RPS6KA2: variants seen among roughly 807,000 people sequenced by gnomAD.
The protein encoded by RPS6KA2 is ribosomal protein S6 kinase alpha-2.
A neutral mutation model predicts 91.8 loss-of-function variants in RPS6KA2; 42 were observed. That is an observed-to-expected ratio of 0.46 (90% confidence interval 0.36 to 0.59). The LOEUF (loss-of-function observed/expected upper bound fraction) is 0.59. RPS6KA2 is among the 20% of genes least tolerant of loss of function. RPS6KA2 has a pLI of 0.00. For missense variants in RPS6KA2, 798 were observed against 978.5 expected (o/e 0.82, Z 2.46); for synonymous variants, 414 against 393.6 (o/e 1.05, Z -0.61).
rs10946172 is a variant in RPS6KA2, at chr6:166,490,396, A to T, written c.818+275T>A. 0.15 allele frequency among the ~76,000 whole-genome samples: 23,338 copies of T among 152,136 alleles called. 2,103 individuals are homozygous for T. The highest frequency in any genetic ancestry group is 0.25 in the African/African-American group (10,180 of 41,446). On this transcript the variant is annotated intron_variant, in intron 9 of 20. Transcript: ENST00000265678. This position sits in a 1 kb window ranked among gnomAD's most constrained non-coding sequence, Gnocchi z 4.2. ...GATGGAAAACTATCTATGGTAGAAGAGTTCATCAGAACCACTCAGCAGGAT... is the reference window on the plus strand; with the variant it reads ...GATGGAAAACTATCTATGGTAGAAGTGTTCATCAGAACCACTCAGCAGGAT...
intron 2 of RPS6KA2, chr6:166,701,360 T>C (rs927516917): frequency 8.0e-5 from 119 of 1,488,066 alleles, no homozygotes; most frequent in Non-Finnish European, 1.1e-4. Context: ...CACTCTGATA[T>C]GAGCTTCAAG....
intron 1 of RPS6KA2, among the ~76,000 whole-genome samples, chr6:166,584,758 C>T (rs547336034): frequency 1.3e-5 from 2 of 152,308 alleles, no homozygotes; most frequent in South Asian, 2.1e-4. Context: ...TCAGTAAATA[C>T]GTTGAGGAGC....
intron 1 of RPS6KA2, among the ~76,000 whole-genome samples, chr6:166,617,327 TTCTCAA>T (rs1786450428): frequency 6.6e-6 from 1 of 152,248 alleles, no homozygotes; most frequent in Non-Finnish European, 1.5e-5. Flanking sequence ...TGTTGATAGT[TTCTCAA>T]TCTTTTAAGA....
rs139345225 is a variant in RPS6KA2 at position 166,448,949 on chromosome 6, T to G, written c.1207-100A>C. ...ATGTGGGGCGAAGAGAGGCACCGAC[T>G]GTGAACTGAGTGTGTGGAGGCCTGG... is the stretch of plus-strand genomic sequence containing the variant. On this transcript the variant is annotated intron_variant, in intron 13 of 20. Coordinates refer to ENST00000265678, the MANE Select transcript of RPS6KA2 (RefSeq NM_021135.6). This position sits in a 1 kb window ranked among gnomAD's most constrained non-coding sequence, Gnocchi z 4.7. 707 of 1,434,026 alleles carry G rather than the reference T, an allele frequency of 4.9e-4. 3 individuals carry two copies. In the African/African-American group the frequency reaches 8.9e-3, roughly 18 times the overall value. The allele number at this position is 1,434,026 out of a possible 1,614,324, so 88.8% of individuals were successfully genotyped here.
intron 2 of RPS6KA2, among the ~76,000 whole-genome samples, chr6:166,815,025 G>T (rs992499628): frequency 3.3e-5 from 5 of 152,300 alleles, no homozygotes; most frequent in East Asian, 1.9e-4. Flanking sequence ...GTGCCAAAAA[G>T]GTTGGGGACC....
intron 10 of RPS6KA2, among the ~76,000 whole-genome samples, chr6:166,476,271 G>A (rs940882970): frequency 1.3e-5 from 2 of 152,166 alleles, no homozygotes; most frequent in African/African-American, 4.8e-5. Flanking sequence ...TGGGAGCACA[G>A]CCCTGCAGCC....
chr6:166,486,240 CCA>C (rs1781403389), intron 10 of RPS6KA2, among the ~76,000 whole-genome samples: 1 of 62,472 alleles, frequency 1.6e-5, no homozygotes, highest in Non-Finnish European at 3.1e-5. Context: ...GCCATGAACC[CCA>C]CACACAGCTG....
chr6:166,653,465 G>C (rs762247360), intron 2 of RPS6KA2, among the ~76,000 whole-genome samples: 2 of 152,226 alleles, frequency 1.3e-5, no homozygotes, highest in Non-Finnish European at 2.9e-5. Flanking sequence ...TCAGACACGA[G>C]AAGACGGAAT....
upstream of RPS6KA2, among the ~76,000 whole-genome samples, chr6:166,629,189 T>C (rs1227567212): frequency 1.3e-5 from 2 of 152,236 alleles, no homozygotes; most frequent in African/African-American, 4.8e-5. Flanking sequence ...AACCCGACCA[T>C]GCTTCCCTCG....
At chr6:166,698,751 C>T (rs768425999) in intron 2 of RPS6KA2, among the ~76,000 whole-genome samples, 7 of 152,158 alleles carry the variant, frequency 4.6e-5, no homozygotes, top group Non-Finnish European at 8.8e-5. Flanking sequence ...GATGAGGTGG[C>T]GAACTCGTCA....
At chr6:166,667,013 A>G (rs766690476) in intron 2 of RPS6KA2, among the ~76,000 whole-genome samples, 5 of 152,252 alleles carry the variant, frequency 3.3e-5, no homozygotes, top group African/African-American at 4.8e-5. Flanking sequence ...CAAATACTGT[A>G]TGATTCCGCT....
intron 16 of RPS6KA2, among the ~76,000 whole-genome samples, chr6:166,426,061 T>C (rs1170876954): frequency 6.6e-6 from 1 of 151,848 alleles, no homozygotes; most frequent in African/African-American, 2.4e-5. Flanking sequence ...AGTAAAGCTC[T>C]CCTCAGCAAA....
intron 2 of RPS6KA2, among the ~76,000 whole-genome samples, chr6:166,851,868 C>T (rs539726873): frequency 6.6e-6 from 1 of 152,332 alleles, no homozygotes; most frequent in African/African-American, 2.4e-5. Context: ...GGGATGTCTG[C>T]AGATGACAAG....
intron 2 of RPS6KA2, among the ~76,000 whole-genome samples, chr6:166,813,343 C>A (rs1779687269): frequency 6.6e-6 from 1 of 152,140 alleles, no homozygotes; most frequent in Non-Finnish European, 1.5e-5. Flanking sequence ...CTGGAAGCAG[C>A]CAAACCTATA....
intron 11 of RPS6KA2, among the ~76,000 whole-genome samples, chr6:166,468,471 A>G (rs1387950553): frequency 1.3e-5 from 2 of 152,344 alleles, no homozygotes; most frequent in East Asian, 3.9e-4. Context: ...GGTTTTATCC[A>G]GCACTGGTGT....
chr6:166,483,586 C>G (rs994391061), intron 10 of RPS6KA2, among the ~76,000 whole-genome samples: 4 of 152,228 alleles, frequency 2.6e-5, no homozygotes, highest in Non-Finnish European at 5.9e-5. Flanking sequence ...AAGAGCAGGG[C>G]CTTTTTTTCC....
At chr6:166,541,092 C>T (rs571373795) in intron 1 of RPS6KA2, among the ~76,000 whole-genome samples, 1 of 152,310 alleles carries the variant, frequency 6.6e-6, no homozygotes, top group East Asian at 1.9e-4. Flanking sequence ...CAAACCCCAG[C>T]CTCCCTCCCA....
At chr6:166,680,712 A>C (rs1460395871) in intron 2 of RPS6KA2, among the ~76,000 whole-genome samples, 1 of 152,160 alleles carries the variant, frequency 6.6e-6, no homozygotes, top group Non-Finnish European at 1.5e-5. Context: ...AGAAGGAAAA[A>C]ATTCTGGACA....
chr6:166,783,794 A>G lies in RPS6KA2; in HGVS notation c.123+74406T>C, dbSNP rs9459751. Among the ~76,000 whole-genome samples the G allele has an allele frequency of 1.2e-3, 134 of 113,422 alleles. 3 individuals are homozygous for G. Among genetic ancestry groups the G allele is most frequent in the Middle Eastern group, 5.4e-3 (1 of 186 alleles). The allele number at this position is 113,422 out of a possible 152,430, so 74.4% of individuals were successfully genotyped here. On this transcript the variant is annotated intron_variant, in intron 2 of 21. Coordinates refer to the RPS6KA2 transcript ENST00000503859. ...TGCACATCTATCTATAACTACATAT[A>G]TACACGTGCACAGTTACCTGTAACC... is the stretch of plus-strand genomic sequence containing the variant.
Sources: allele counts gnomAD v4.1 joint callset (sites outside exome capture counted in the v4.1 genomes callset), GRCh38; gene constraint gnomAD v4.1.1; non-coding constraint Gnocchi (gnomAD v3.1); transcripts MANE v1.5; gene names NCBI Gene and HGNC (gene_info 2026-07-23, HGNC 2026-07-21).